DSCAM: variants seen among roughly 807,000 people sequenced by gnomAD.
The protein encoded by DSCAM is DS cell adhesion molecule, also known as cell adhesion molecule DSCAM.
Under a neutral mutation model 217.7 loss-of-function variants are expected in DSCAM, and 47 were observed. The observed-to-expected ratio is 0.22, with a 90% CI of 0.17 to 0.28. The LOEUF (loss-of-function observed/expected upper bound fraction) is 0.28, where lower values mean the gene tolerates loss of function less well. Ranked by LOEUF, DSCAM falls within the 10% of genes least tolerant of loss-of-function variation. The pLI is 1.00. For synonymous variants in DSCAM, 1,056 were observed against 1,015.3 expected, an observed-to-expected ratio of 1.04 and a Z score of -0.76; for missense variants, 2,080 against 2,618.3, an observed-to-expected ratio of 0.79 and a Z score of 4.49.
chr21:40,033,629 G>A lies in DSCAM; in HGVS notation c.5686+8742C>T, dbSNP rs573311689. Among the ~76,000 whole-genome samples the A allele has an allele frequency of 1.6e-4, 24 of 151,914 alleles. 1 individual carries two copies. The highest frequency in any genetic ancestry group is 5.3e-4 in the African/African-American group (22 of 41,160). ...GCCCCCCATTGCCCAGGCTTGCTTA[G>A]ATAAACAAAGCAGCCAGGAAGCTCG... is the stretch of plus-strand genomic sequence containing the variant. On this transcript the variant is annotated intron_variant, in intron 32 of 32. Transcript: ENST00000400454.
chr21:40,415,230 T>C (rs1451580156), intron 3 of DSCAM, among the ~76,000 whole-genome samples: 1 of 152,218 alleles, frequency 6.6e-6, no homozygotes, highest in African/African-American at 2.4e-5. Context: ...TGATTTTATA[T>C]AGTTATAAAA....
intron 1 of DSCAM, among the ~76,000 whole-genome samples, chr21:40,755,811 T>C (rs2091269818): frequency 6.6e-6 from 1 of 152,160 alleles, no homozygotes; most frequent in African/African-American, 2.4e-5. Flanking sequence ...TTGCAAAAAA[T>C]GGCTGCAATA....
At chr21:40,031,437 C>T (rs552089759) in intron 32 of DSCAM, among the ~76,000 whole-genome samples, 1 of 152,274 alleles carries the variant, frequency 6.6e-6, no homozygotes, top group East Asian at 1.9e-4. Context: ...AGTAAAAAGA[C>T]ACTGGGTATT....
intron 8 of DSCAM, among the ~76,000 whole-genome samples, chr21:40,312,966 A>C (rs948715162): frequency 1.3e-5 from 2 of 151,886 alleles, no homozygotes; most frequent in Non-Finnish European, 2.9e-5. Context: ...TTTTTTAAAA[A>C]ATTAGCCAGG....
intron 2 of DSCAM, among the ~76,000 whole-genome samples, chr21:40,706,251 ATCT>A (rs888867401): frequency 2.6e-5 from 4 of 152,140 alleles, no homozygotes; most frequent in African/African-American, 9.7e-5. Flanking sequence ...ATCATGAGAA[ATCT>A]TCTGACTTGC....
At chr21:40,031,840 A>G (rs1257017137) in intron 32 of DSCAM, among the ~76,000 whole-genome samples, 1 of 152,184 alleles carries the variant, frequency 6.6e-6, no homozygotes, top group African/African-American at 2.4e-5. Flanking sequence ...ATTTCCAGTA[A>G]GAGTCAACCT....
intron 4 of DSCAM, among the ~76,000 whole-genome samples, chr21:40,364,034 GC>G (rs1277295598): frequency 6.6e-6 from 1 of 152,158 alleles, no homozygotes; most frequent in Non-Finnish European, 1.5e-5. Context: ...AACAACAGGT[GC>G]TGGAGAGGAT....
chr21:40,772,080 G>T (rs1352638157), intron 1 of DSCAM, among the ~76,000 whole-genome samples: 2 of 152,174 alleles, frequency 1.3e-5, no homozygotes. Context: ...CATAATAAGG[G>T]CTGATAAAAT....
At chr21:40,225,082 A>T (rs1376414764) in intron 11 of DSCAM, among the ~76,000 whole-genome samples, 1 of 152,230 alleles carries the variant, frequency 6.6e-6, no homozygotes, top group Admixed American at 6.5e-5. Context: ...GTACTGGTAA[A>T]CACTGAAACA....
chr21:40,614,890 G>C (rs1408623987), intron 3 of DSCAM, among the ~76,000 whole-genome samples: 2 of 152,032 alleles, frequency 1.3e-5, no homozygotes, highest in African/African-American at 2.4e-5. Flanking sequence ...GACTACCTGT[G>C]CATGCATCTC....
chr21:40,023,080 A>G (rs1407242582), intron 32 of DSCAM, among the ~76,000 whole-genome samples: 28 of 134,210 alleles, frequency 2.1e-4, no homozygotes, highest in Non-Finnish European at 4.1e-4. Context: ...TGTCCATGTG[A>G]TCTCATTGTT....
At chr21:40,295,018 C>T (rs1410618234) in intron 10 of DSCAM, among the ~76,000 whole-genome samples, 3 of 152,086 alleles carry the variant, frequency 2.0e-5, no homozygotes, top group African/African-American at 7.2e-5. Context: ...AGGGTTGCAA[C>T]AAATGTACCA....
At chr21:40,025,016 A>G in intron 32 of DSCAM, among the ~76,000 whole-genome samples, 1 of 111,804 alleles carries the variant, frequency 8.9e-6, no homozygotes, top group Non-Finnish European at 1.9e-5. Flanking sequence ...TTTGTCATAG[A>G]TAGCTCTTAT....
chr21:40,343,392 A>T (rs942151250), intron 6 of DSCAM, among the ~76,000 whole-genome samples: 12 of 152,220 alleles, frequency 7.9e-5, no homozygotes, highest in African/African-American at 2.9e-4. Context: ...TTTAGTGTTT[A>T]ACCAGGAAGT....
At chr21:40,706,058 G>A (rs1045649585) in intron 2 of DSCAM, among the ~76,000 whole-genome samples, 6 of 152,036 alleles carry the variant, frequency 3.9e-5, no homozygotes, top group African/African-American at 1.4e-4. Context: ...GCGGGTGCCT[G>A]TAGTCCCAGC....
At chr21:40,643,078 G>A (rs2089902950) in intron 3 of DSCAM, among the ~76,000 whole-genome samples, 1 of 152,186 alleles carries the variant, frequency 6.6e-6, no homozygotes, top group South Asian at 2.1e-4. Context: ...AGAGGGATGA[G>A]TGGCGGGGTG....
At chr21:40,617,906 C>T (rs1175901927) in intron 3 of DSCAM, among the ~76,000 whole-genome samples, 1 of 152,196 alleles carries the variant, frequency 6.6e-6, no homozygotes, top group Non-Finnish European at 1.5e-5. Flanking sequence ...AGACAGAGGA[C>T]GGGTGTTCCA....
intron 3 of DSCAM, among the ~76,000 whole-genome samples, chr21:40,516,888 C>CATATATATATATATAT (rs55695954): frequency 4.2e-5 from 6 of 143,496 alleles, no homozygotes; most frequent in African/African-American, 1.5e-4. Flanking sequence ...ACACACACAC[C>CATATATATATATATAT]ATATATATAT....
chr21:40,314,109 C>T (rs935787138), intron 8 of DSCAM, among the ~76,000 whole-genome samples: 2 of 152,174 alleles, frequency 1.3e-5, no homozygotes, highest in African/African-American at 2.4e-5. Context: ...ATGAGCATAA[C>T]CCATCAGCCT....
Sources: allele counts gnomAD v4.1 joint callset (sites outside exome capture counted in the v4.1 genomes callset), GRCh38; gene constraint gnomAD v4.1.1; transcripts MANE v1.5; gene names NCBI Gene and HGNC (gene_info 2026-07-23, HGNC 2026-07-21).